The following OSBPL1A variants were observed in gnomAD, a reference collection of about 807,000 sequenced individuals.
OSBPL1A encodes the protein oxysterol-binding protein-related protein 1.
A neutral mutation model predicts 137.1 loss-of-function variants in OSBPL1A; 80 were observed. The observed-to-expected ratio is 0.58, with a 90% confidence interval of 0.49 to 0.70. The LOEUF is 0.70. Among genes scored for constraint, OSBPL1A ranks in the 30% least tolerant of loss-of-function variants. OSBPL1A has a pLI of 0.00. For synonymous variants in OSBPL1A, 365 were observed against 389.7 expected, an observed-to-expected ratio of 0.94 and a Z score of 0.75; for missense variants, 970 against 1,129.4, an observed-to-expected ratio of 0.86 and a Z score of 2.02.
At chr18:24,254,226 G>A (rs1162980671) in intron 15 of OSBPL1A, among the ~76,000 whole-genome samples, 1 of 152,200 alleles carries the variant, frequency 6.6e-6, no homozygotes, top group East Asian at 1.9e-4. Context: ...TAAAGATAGA[G>A]CTAGACCTCA....
At chr18:24,261,130 A>C (rs1235115451) in intron 15 of OSBPL1A, among the ~76,000 whole-genome samples, 1 of 152,166 alleles carries the variant, frequency 6.6e-6, no homozygotes, top group Non-Finnish European at 1.5e-5. Flanking sequence ...AACTATGCTG[A>C]GTTAAAGAAG....
intron 15 of OSBPL1A, among the ~76,000 whole-genome samples, chr18:24,269,936 T>C (rs1231235421): frequency 1.3e-5 from 2 of 151,342 alleles, no homozygotes; most frequent in Non-Finnish European, 2.9e-5. Flanking sequence ...CCAAAAGTTA[T>C]CACAATGAAA....
chr18:24,183,624 CG>C (rs36046084), intron 18 of OSBPL1A, among the ~76,000 whole-genome samples: 6,641 of 151,636 alleles, frequency 0.044, 287 homozygotes, highest in East Asian at 0.1. Flanking sequence ...TTAGTAGAGA[CG>C]GGGTTTCACC....
intron 16 of OSBPL1A, among the ~76,000 whole-genome samples, chr18:24,234,288 CTA>C (rs2088372768): frequency 6.6e-6 from 1 of 152,172 alleles, no homozygotes; most frequent in South Asian, 2.1e-4. Flanking sequence ...TCCCTTACAG[CTA>C]TATCCGAAAT....
intron 1 of OSBPL1A, among the ~76,000 whole-genome samples, chr18:24,386,614 TG>T (rs1255313049): frequency 6.6e-6 from 1 of 151,892 alleles, no homozygotes; most frequent in Non-Finnish European, 1.5e-5. Flanking sequence ...ATGGCAGGGG[TG>T]GGGAGGAGAC....
intron 4 of OSBPL1A, among the ~76,000 whole-genome samples, chr18:24,360,761 T>A (rs28487897): frequency 6.6e-6 from 1 of 152,238 alleles, no homozygotes; most frequent in Non-Finnish European, 1.5e-5. Context: ...AAGATGTGCA[T>A]AGCAAGTGAA....
In OSBPL1A at chr18:24,377,522, T is replaced by C; in HGVS notation, c.12A>G (p.Glu4=). The C allele has an allele frequency of 6.3e-7, 1 of 1,595,006 alleles. No individual in the cohort carries two copies. Among genetic ancestry groups the C allele is most frequent in the East Asian group, 2.2e-5 (1 of 44,660 alleles). Residue 4 remains glutamate (E), a synonymous_variant, in exon 2 of 28, where the codon GAA becomes GAG. Transcript: ENST00000319481. ...CGTGATGGAGAAGCTGTTGCTCCGC[T>C]TCTGTGTTCATTTCTAAATTAAGAA... is the stretch of plus-strand genomic sequence containing the variant. MNT[E]AEQQLLHHAR...
intron 1 of OSBPL1A, among the ~76,000 whole-genome samples, chr18:24,391,870 CTTTTT>C (rs200767550): frequency 3.3e-5 from 5 of 151,308 alleles, no homozygotes; most frequent in Admixed American, 2.6e-4. Flanking sequence ...TGTACTTTTT[CTTTTT>C]TTTTGAGACA....
chr18:24,271,882 TCCCGCGCCGCGCCCG>T lies in OSBPL1A; in HGVS notation c.1281+8945_1281+8959del, dbSNP rs1160754290. ...GCGTTGCCCGCCAGCGGCCCAGGAC[TCCCGCGCCGCGCCCG>T]CCCGGGCCGCAGAGGTCTGCGCTGC... On this transcript the variant is annotated intron_variant, in intron 15 of 27. Coordinates refer to ENST00000319481, the MANE Select transcript of OSBPL1A (RefSeq NM_080597.4). The surrounding 1 kb of genome is among the most constrained non-coding windows in gnomAD (Gnocchi z 4.0). 2 of 984,500 alleles carry T rather than the reference TCCCGCGCCGCGCCCG, an allele frequency of 2.0e-6. No individual in the cohort carries two copies. The highest frequency in any genetic ancestry group is 1.2e-4 in the Admixed American group (2 of 16,174). 61.0% of individuals were successfully genotyped at this position (984,500 alleles called of 1,614,324 possible).
chr18:24,247,793 G>C lies in OSBPL1A; in HGVS notation c.1282-8411C>G, dbSNP rs151080934. The stretch of plus-strand genomic sequence containing the variant: ...AGCCTACAAGAGGACGCTGGTTACA[G>C]AGGTTATTTTAAAAACTAAAAAAAG... On this transcript the variant is annotated intron_variant, in intron 15 of 27. Coordinates refer to ENST00000319481, the MANE Select transcript of OSBPL1A (RefSeq NM_080597.4). 3.8e-3 allele frequency among the ~76,000 whole-genome samples: 576 copies of C among 152,192 alleles called. 4 individuals carry two copies. The highest frequency in any genetic ancestry group is 0.013 in the African/African-American group (544 of 41,518).
intron 17 of OSBPL1A, among the ~76,000 whole-genome samples, chr18:24,223,091 C>G (rs151049668): frequency 6.6e-6 from 1 of 152,044 alleles, no homozygotes; most frequent in African/African-American, 2.4e-5. Flanking sequence ...GGTCATGTAG[C>G]AACATATGCC....
rs947380695 is a variant in OSBPL1A at position 24,163,092 on chromosome 18, A to G, written c.*87T>C. 2 of 936,024 alleles carry G rather than the reference A, an allele frequency of 2.1e-6. No individual in the cohort carries two copies. The highest frequency in any genetic ancestry group is 2.9e-5 in the Admixed American group (1 of 34,156). 58.0% of individuals were successfully genotyped at this position (936,024 alleles called of 1,614,324 possible). Reference sequence around the variant, plus strand: ...GTTTTTTCATTTTTTTTTTTAAAAGATAAGTAGAAACCAAGGGAAAAAAAT... The same window carrying G: ...GTTTTTTCATTTTTTTTTTTAAAAGGTAAGTAGAAACCAAGGGAAAAAAAT... On this transcript the variant is annotated 3_prime_UTR_variant, in exon 28 of 28. Coordinates refer to ENST00000319481, the MANE Select transcript of OSBPL1A (RefSeq NM_080597.4).
intron 14 of OSBPL1A, among the ~76,000 whole-genome samples, chr18:24,283,624 C>T (rs576799637): frequency 1.3e-5 from 2 of 152,018 alleles, no homozygotes; most frequent in Non-Finnish European, 2.9e-5. Flanking sequence ...TGTCTCAACA[C>T]GAACTGTGGA....
At chr18:24,321,763 A>G (rs1489111964) in intron 7 of OSBPL1A, 1 of 468,820 alleles carries the variant, frequency 2.1e-6, no homozygotes, top group African/African-American at 2.0e-5. Flanking sequence ...TAAATTTTTT[A>G]AAAAGAAAAA....
At chr18:24,348,278 A>C (rs906309318) in intron 4 of OSBPL1A, among the ~76,000 whole-genome samples, 5 of 152,196 alleles carry the variant, frequency 3.3e-5, no homozygotes, top group Non-Finnish European at 4.4e-5. Context: ...AGACTTAAAC[A>C]ATTATTTCCA....
intron 12 of OSBPL1A, among the ~76,000 whole-genome samples, chr18:24,312,453 A>G (rs1188094984): frequency 6.6e-6 from 1 of 152,208 alleles, no homozygotes; most frequent in Non-Finnish European, 1.5e-5. Flanking sequence ...TTTATAACCT[A>G]ACAGAATAAG....
At chr18:24,183,470 T>G (rs1242205857) in intron 18 of OSBPL1A, among the ~76,000 whole-genome samples, 2 of 151,602 alleles carry the variant, frequency 1.3e-5, no homozygotes, top group African/African-American at 4.8e-5. Flanking sequence ...TTTGCTCTTG[T>G]CGCCCAGGCT....
intron 5 of OSBPL1A, among the ~76,000 whole-genome samples, chr18:24,336,187 G>C (rs2091170801): frequency 6.6e-6 from 1 of 152,168 alleles, no homozygotes; most frequent in South Asian, 2.1e-4. Context: ...ATTTATGACA[G>C]CATCTGGCAC....
intron 4 of OSBPL1A, among the ~76,000 whole-genome samples, chr18:24,355,305 C>A (rs996054992): frequency 5.3e-5 from 8 of 151,296 alleles, no homozygotes; most frequent in African/African-American, 1.7e-4. Context: ...AGTTCTAGAC[C>A]ACCGTGACCA....
Sources: allele counts gnomAD v4.1 joint callset (sites outside exome capture counted in the v4.1 genomes callset), GRCh38; gene constraint gnomAD v4.1.1; non-coding constraint Gnocchi (gnomAD v3.1); transcripts MANE v1.5; gene names NCBI Gene and HGNC (gene_info 2026-07-23, HGNC 2026-07-21).